EPM2A: variants seen among roughly 807,000 people sequenced by gnomAD.
EPM2A encodes EPM2A glucan phosphatase, laforin.
EPM2A carries 21 observed loss-of-function variants against 26.5 expected under a neutral mutation model. The ratio of observed to expected loss-of-function variants is 0.79; its 90% CI spans 0.56 to 1.14. The LOEUF is 1.14. EPM2A is among the 50% of genes most tolerant of loss of function. The pLI, the probability that EPM2A is intolerant of heterozygous loss-of-function variation, is 0.00. For missense variants in EPM2A, 458 were observed against 440.8 expected (o/e 1.04, Z -0.35); for synonymous variants, 217 against 177.6 (o/e 1.22, Z -1.76).
At chr6:145,432,512 T>TC (rs397807575) in intron 4 of EPM2A, among the ~76,000 whole-genome samples, 7 of 151,684 alleles carry the variant, frequency 4.6e-5, no homozygotes, top group African/African-American at 1.7e-4. Context: ...TTTTTTTTTT[T>TC]CTGAACAGTA....
downstream of EPM2A, among the ~76,000 whole-genome samples, chr6:145,496,785 T>C (rs550523400): frequency 6.0e-4 from 84 of 140,268 alleles, no homozygotes; most frequent in Admixed American, 5.8e-4. Context: ...GGCCGGACTG[T>C]GGACTGCAGT....
At chr6:145,680,461 TAC>T (rs1276634663) in intron 2 of EPM2A, among the ~76,000 whole-genome samples, 7 of 151,992 alleles carry the variant, frequency 4.6e-5, no homozygotes, top group African/African-American at 1.7e-4. Flanking sequence ...TACATATGTA[TAC>T]ATGTGCCATG....
At chr6:145,683,268 G>GGTGTGTGTGTGT (rs35326843) in intron 2 of EPM2A, among the ~76,000 whole-genome samples, 7,426 of 133,818 alleles carry the variant, frequency 0.055, 287 homozygotes, top group Admixed American at 0.091. Context: ...CCCAGGATTT[G>GGTGTGTGTGTGT]GTGTGTGTGT....
At chr6:145,582,997 C>A (rs1467291404) in intron 2 of EPM2A, among the ~76,000 whole-genome samples, 7 of 152,096 alleles carry the variant, frequency 4.6e-5, no homozygotes, top group Non-Finnish European at 1.0e-4. Context: ...GTTTTTTCAA[C>A]TTTATTGGAT....
chr6:145,580,668 C>G (rs1781100766), intron 2 of EPM2A, among the ~76,000 whole-genome samples: 2 of 152,102 alleles, frequency 1.3e-5, no homozygotes, highest in South Asian at 4.1e-4. Flanking sequence ...TCACCCTCCT[C>G]CCACCCTCTA....
intron 1 of EPM2A, among the ~76,000 whole-genome samples, chr6:145,719,845 G>C (rs1158250231): frequency 6.6e-6 from 1 of 152,084 alleles, no homozygotes; most frequent in Non-Finnish European, 1.5e-5. Context: ...TACTGACTCT[G>C]ATTTGTTAGG....
At chr6:145,615,590 G>A (rs953549037) in intron 2 of EPM2A, among the ~76,000 whole-genome samples, 5 of 152,074 alleles carry the variant, frequency 3.3e-5, no homozygotes, top group African/African-American at 1.2e-4. Flanking sequence ...GAACAGTTTG[G>A]AGGGCTCAGA....
intron 4 of EPM2A, among the ~76,000 whole-genome samples, chr6:145,429,028 A>C (rs1778887888): frequency 6.6e-6 from 1 of 152,256 alleles, no homozygotes; most frequent in Non-Finnish European, 1.5e-5. Context: ...TTCCAAAGGC[A>C]AATGAGTCAG....
At position 145,422,074 on chromosome 6, in the gene EPM2A, T is replaced by TAGAG. The variant is rs369003830; in HGVS notation, c.556-37978_556-37977insCTCT. ...ATATGAGTGTATATATATATATATATATAGAGAGAGAGAGAGAGATAATAT... is the reference window on the plus strand; with the variant it reads ...ATATGAGTGTATATATATATATATATAGAGATAGAGAGAGAGAGAGAGATAATAT... On this transcript the variant is annotated intron_variant, in intron 4 of 4. Coordinates refer to the EPM2A transcript ENST00000638717. Among the ~76,000 whole-genome samples the TAGAG allele has an allele frequency of 4.2e-3, 561 of 132,958 alleles. 4 individuals carry two copies. The highest frequency in any genetic ancestry group is 0.015 in the African/African-American group (521 of 35,044). The allele number at this position is 132,958 out of a possible 152,430, so 87.2% of individuals were successfully genotyped here.
chr6:145,613,174 A>G (rs1190292859), intron 2 of EPM2A, among the ~76,000 whole-genome samples: 2 of 152,210 alleles, frequency 1.3e-5, no homozygotes, highest in African/African-American at 2.4e-5. Flanking sequence ...CGGCATCTCC[A>G]CTAGTTGTTA....
At chr6:145,450,350 CAAAAAAAAA>C (rs368618860) in intron 4 of EPM2A, among the ~76,000 whole-genome samples, 1 of 62,494 alleles carries the variant, frequency 1.6e-5, no homozygotes, top group Admixed American at 1.8e-4. Context: ...GACTCCGTCT[CAAAAAAAAA>C]AAAAAAAAAA....
intron 2 of EPM2A, among the ~76,000 whole-genome samples, chr6:145,578,357 A>G (rs944834236): frequency 6.6e-6 from 1 of 152,168 alleles, no homozygotes; most frequent in East Asian, 1.9e-4. Context: ...GAAAAAGGAG[A>G]CATTACAACG....
chr6:145,475,017 C>G (rs1241584658), intron 4 of EPM2A, among the ~76,000 whole-genome samples: 1 of 152,126 alleles, frequency 6.6e-6, no homozygotes, highest in Non-Finnish European at 1.5e-5. Context: ...TTACACAGTT[C>G]ATGGGAGTGT....
intron 2 of EPM2A, among the ~76,000 whole-genome samples, chr6:145,521,284 G>A (rs1780198554): frequency 6.6e-6 from 1 of 152,112 alleles, no homozygotes; most frequent in Non-Finnish European, 1.5e-5. Context: ...TGAGAATGGG[G>A]AAGAAATGGA....
At chr6:145,583,249 G>C (rs1343293535) in intron 2 of EPM2A, among the ~76,000 whole-genome samples, 1 of 152,174 alleles carries the variant, frequency 6.6e-6, no homozygotes, top group Non-Finnish European at 1.5e-5. Context: ...TGAGTTGCCA[G>C]ATTTCTTGCA....
At chr6:145,444,624 C>T (rs1779107915) in intron 4 of EPM2A, among the ~76,000 whole-genome samples, 1 of 152,170 alleles carries the variant, frequency 6.6e-6, no homozygotes, top group African/African-American at 2.4e-5. Flanking sequence ...AGTCCCTCTT[C>T]CTCAATTAAA....
intron 2 of EPM2A, among the ~76,000 whole-genome samples, chr6:145,584,302 C>T (rs1781157499): frequency 6.6e-6 from 1 of 152,046 alleles, no homozygotes; most frequent in Non-Finnish European, 1.5e-5. Flanking sequence ...AAGGCCCCTG[C>T]AAAGCACCCT....
chr6:145,718,118 C>T (rs1775740648), intron 1 of EPM2A, among the ~76,000 whole-genome samples: 1 of 151,948 alleles, frequency 6.6e-6, no homozygotes, highest in Non-Finnish European at 1.5e-5. Flanking sequence ...GAAAAAACTA[C>T]TTTAAAGTTC....
chr6:145,405,627 A>C, intron 4 of EPM2A, among the ~76,000 whole-genome samples: 1 of 152,156 alleles, frequency 6.6e-6, no homozygotes, highest in East Asian at 1.9e-4. Flanking sequence ...ATCATTTTTT[A>C]ATTCCAAAAA....
Sources: gnomAD v4.1 joint callset for allele counts (sites outside exome capture counted in the v4.1 genomes callset) on GRCh38, gnomAD v4.1.1 for gene constraint, MANE v1.5 for transcripts, NCBI Gene and HGNC (gene_info 2026-07-23, HGNC 2026-07-21) for gene names.